Variants in KCNQ5 observed in about 807,000 individuals in gnomAD.
KCNQ5 encodes potassium voltage-gated channel subfamily KQT member 5.
KCNQ5 carries 30 observed loss-of-function variants against 98.2 expected under a neutral mutation model. That is an observed-to-expected ratio of 0.31 (90% CI 0.23 to 0.41). KCNQ5 has a LOEUF of 0.41. Ranked by LOEUF, KCNQ5 falls within the 10% of genes least tolerant of loss-of-function variation. The pLI is 1.00. For synonymous variants in KCNQ5, 458 were observed against 449.4 expected, an observed-to-expected ratio of 1.02 and a Z score of -0.24; for missense variants, 835 against 1,182.5, an observed-to-expected ratio of 0.71 and a Z score of 4.31.
intron 1 of KCNQ5, among the ~76,000 whole-genome samples, chr6:72,958,646 A>G (rs1375792451): frequency 6.6e-6 from 1 of 152,254 alleles, no homozygotes; most frequent in Non-Finnish European, 1.5e-5. Context: ...TATGAGGCCT[A>G]ACATATGAGG....
chr6:72,646,637 T>G (rs1340416671), intron 1 of KCNQ5, among the ~76,000 whole-genome samples: 1 of 152,198 alleles, frequency 6.6e-6, no homozygotes, highest in Non-Finnish European at 1.5e-5. Flanking sequence ...CTGATATATG[T>G]TCTGCCAATC....
At chr6:72,672,878 T>G (rs1033346045) in intron 1 of KCNQ5, among the ~76,000 whole-genome samples, 1 of 152,146 alleles carries the variant, frequency 6.6e-6, no homozygotes. Flanking sequence ...TAAAAAGCAC[T>G]TGTGAAAAGA....
intron 3 of KCNQ5, among the ~76,000 whole-genome samples, chr6:73,076,498 T>C (rs1773548217): frequency 6.6e-6 from 1 of 152,260 alleles, no homozygotes; most frequent in Non-Finnish European, 1.5e-5. Flanking sequence ...AGTTTTCTTT[T>C]ATCTTTTCTA....
chr6:73,067,232 T>C (rs1773093577), intron 3 of KCNQ5, among the ~76,000 whole-genome samples: 1 of 152,138 alleles, frequency 6.6e-6, no homozygotes, highest in African/African-American at 2.4e-5. Context: ...AATATATAAG[T>C]GCTCTGGAAA....
chr6:72,880,595 G>T (rs1778600434), intron 1 of KCNQ5, among the ~76,000 whole-genome samples: 1 of 152,198 alleles, frequency 6.6e-6, no homozygotes, highest in African/African-American at 2.4e-5. Flanking sequence ...GAAGGTTACA[G>T]ACATATGTGT....
At chr6:73,088,946 T>C (rs923933790) in intron 5 of KCNQ5, among the ~76,000 whole-genome samples, 1 of 152,176 alleles carries the variant, frequency 6.6e-6, no homozygotes, top group Non-Finnish European at 1.5e-5. Context: ...TTCTTCCTAT[T>C]TCAATCTCTC....
intron 1 of KCNQ5, among the ~76,000 whole-genome samples, chr6:72,714,004 C>T (rs116997307): frequency 4.6e-5 from 7 of 152,164 alleles, no homozygotes; most frequent in East Asian, 1.9e-4. Context: ...CTTTCCCCTA[C>T]GTGCAAGATA....
At chr6:73,107,630 GAAACTCT>G (rs146469903) in intron 6 of KCNQ5, among the ~76,000 whole-genome samples, 2,173 of 152,244 alleles carry the variant, frequency 0.014, 42 homozygotes, top group African/African-American at 0.05. Context: ...TCCCCATAAT[GAAACTCT>G]AAACTATCAC....
chr6:72,798,596 A>G (rs576679954), intron 1 of KCNQ5, among the ~76,000 whole-genome samples: 5 of 152,140 alleles, frequency 3.3e-5, no homozygotes, highest in African/African-American at 1.2e-4. Context: ...CTACATCTCC[A>G]TTTTTTATAA....
At chr6:72,672,441 T>C (rs1767175086) in intron 1 of KCNQ5, among the ~76,000 whole-genome samples, 1 of 152,184 alleles carries the variant, frequency 6.6e-6, no homozygotes, top group Admixed American at 6.5e-5. Context: ...GAGTAAGCAT[T>C]TTTTAATAGA....
rs569303808 is a variant in KCNQ5 at position 73,175,663 on chromosome 6, T to G, written c.1577+5809T>G. On this transcript the variant is annotated intron_variant, in intron 11 of 13. Transcript: ENST00000370398. ...AGACTCTTTAAAACTCTTCCCAGCG[T>G]TCAGTGCATGCATTTGAAAAATAGG... Among the ~76,000 whole-genome samples the G allele has an allele frequency of 2.4e-4, 36 of 152,248 alleles. No homozygotes were observed. In the South Asian group the frequency reaches 7.3e-3, roughly 31 times the overall value.
intron 1 of KCNQ5, among the ~76,000 whole-genome samples, chr6:72,853,360 G>A (rs1273446987): frequency 6.6e-6 from 1 of 152,016 alleles, no homozygotes; most frequent in Non-Finnish European, 1.5e-5. Flanking sequence ...GAGGCTGCGG[G>A]GGAGACAGTA....
chr6:72,927,760 CT>C (rs1421325856), intron 1 of KCNQ5, among the ~76,000 whole-genome samples: 14 of 151,986 alleles, frequency 9.2e-5, no homozygotes, highest in African/African-American at 3.4e-4. Context: ...ATTTACCAGT[CT>C]ATATTGTTTT....
intron 1 of KCNQ5, among the ~76,000 whole-genome samples, chr6:72,984,157 A>T (rs1365213262): frequency 1.3e-5 from 2 of 152,186 alleles, no homozygotes; most frequent in African/African-American, 4.8e-5. Context: ...GTTAGGCTAC[A>T]TGGGGGTCAG....
chr6:72,906,505 T>C (rs963597356), intron 1 of KCNQ5, among the ~76,000 whole-genome samples: 1 of 152,220 alleles, frequency 6.6e-6, no homozygotes, highest in Middle Eastern at 3.2e-3. Context: ...GCCTCCTTCC[T>C]GAAGGGTCCC....
At chr6:73,162,561 T>C (rs1777654678) in intron 10 of KCNQ5, among the ~76,000 whole-genome samples, 2 of 152,248 alleles carry the variant, frequency 1.3e-5, no homozygotes, top group Admixed American at 1.3e-4. Context: ...AAATGTGTAG[T>C]TGGAGAACAG....
At chr6:72,682,198 A>T (rs973849871) in intron 1 of KCNQ5, among the ~76,000 whole-genome samples, 5 of 152,152 alleles carry the variant, frequency 3.3e-5, no homozygotes, top group Admixed American at 3.3e-4. Context: ...GCACAGTATT[A>T]AAAAAACAAA....
At position 72,933,727 on chromosome 6, in the gene KCNQ5, T is replaced by C. The variant is rs550100071; in HGVS notation, c.399-70181T>C. On this transcript the variant is annotated intron_variant, in intron 1 of 13. Coordinates refer to ENST00000370398, the MANE Select transcript of KCNQ5 (RefSeq NM_019842.4). ...ATTTCTTTGACTTATAAATTGTTAC[T>C]TTCTTTAATTTGATTACACTGAGGT... Among the ~76,000 whole-genome samples the C allele has an allele frequency of 1.1e-3, 172 of 152,354 alleles. 1 individual carries two copies. Among genetic ancestry groups the C allele is most frequent in the Non-Finnish European group, 2.1e-3 (144 of 68,032 alleles).
intron 6 of KCNQ5, among the ~76,000 whole-genome samples, chr6:73,106,994 C>A (rs1215600416): frequency 6.6e-6 from 1 of 151,740 alleles, no homozygotes; most frequent in African/African-American, 2.4e-5. Context: ...TCTTACGTAT[C>A]CAAGGCAACT....
Sources: allele counts gnomAD v4.1 joint callset (sites outside exome capture counted in the v4.1 genomes callset), GRCh38; gene constraint gnomAD v4.1.1; transcripts MANE v1.5; gene names NCBI Gene and HGNC (gene_info 2026-07-23, HGNC 2026-07-21).